CCNA1: variants seen among roughly 807,000 people sequenced by gnomAD.
CCNA1 encodes the protein cyclin-A1.
CCNA1 carries 23 observed loss-of-function variants against 54.1 expected under a neutral mutation model. That is an observed-to-expected ratio of 0.42 (90% confidence interval 0.31 to 0.60). The LOEUF (loss-of-function observed/expected upper bound fraction) is 0.60. CCNA1 is among the 20% of genes least tolerant of loss of function. The pLI is 0.14. For synonymous variants in CCNA1, 208 were observed against 213.9 expected, an observed-to-expected ratio of 0.97 and a Z score of 0.24; for missense variants, 450 against 556.7, an observed-to-expected ratio of 0.81 and a Z score of 1.93.
chr13:36,434,012 A>G (rs1228936777), intron 2 of CCNA1, among the ~76,000 whole-genome samples: 1 of 152,234 alleles, frequency 6.6e-6, no homozygotes, highest in African/African-American at 2.4e-5. Context: ...GCTTCCAAAT[A>G]AACTGTGGAA....
chr13:36,433,370 TTTTCTTTCTTTCTTTCTTTCTTTC>T lies in CCNA1; in HGVS notation c.297+198_297+221del, dbSNP rs201986317. 7.1e-3 allele frequency: 2,239 copies of T among 317,554 alleles called. 168 individuals carry two copies. Among genetic ancestry groups the T allele is most frequent in the East Asian group, 0.043 (828 of 19,306 alleles). The allele number at this position is 317,554 out of a possible 1,614,324, so 19.7% of individuals were successfully genotyped here. The stretch of plus-strand genomic sequence containing the variant: ...GACTACAGGAAAGTTGATTGATTTA[TTTTCTTTCTTTCTTTCTTTCTTTC>T]TTTCTTTCTTTCTTTCTTTCTTTCT... On this transcript the variant is annotated intron_variant, in intron 2 of 8. Transcript: ENST00000255465.
At chr13:36,440,878 A>G (rs1593326927) in intron 6 of CCNA1, among the ~76,000 whole-genome samples, 1 of 152,252 alleles carries the variant, frequency 6.6e-6, no homozygotes. Flanking sequence ...AAAGTAACCT[A>G]TCACCTATAC....
intron 2 of CCNA1, among the ~76,000 whole-genome samples, 157 bp downstream of exon 2, chr13:36,433,378 CTT>C (rs2055745257): frequency 3.0e-5 from 1 of 33,452 alleles, no homozygotes; most frequent in African/African-American, 1.8e-4. Context: ...TATTTTCTTT[CTT>C]TCTTTCTTTC....
intron 6 of CCNA1, among the ~76,000 whole-genome samples, 161 bp downstream of exon 6, chr13:36,440,344 C>A (rs990102500): frequency 1.3e-5 from 2 of 152,124 alleles, no homozygotes; most frequent in African/African-American, 4.8e-5. Flanking sequence ...AAGAACCCAG[C>A]TTTTGGTTAT....
At position 36,437,887 on chromosome 13, in the gene CCNA1, G is replaced by C; in HGVS notation, c.544+12G>C. 1 of 1,610,314 alleles carries C rather than the reference G, an allele frequency of 6.2e-7. No homozygotes were observed. Among genetic ancestry groups the C allele is most frequent in the Non-Finnish European group, 8.5e-7 (1 of 1,177,470 alleles). Reference sequence around the variant, plus strand: ...GGATTTCAACACAGGTAACTGACTTGCCTATGGTTGATGGCTGATGGTACC... The same window carrying C: ...GGATTTCAACACAGGTAACTGACTTCCCTATGGTTGATGGCTGATGGTACC... On this transcript the variant is annotated intron_variant, in intron 3 of 8. Coordinates refer to ENST00000255465, the MANE Select transcript of CCNA1 (RefSeq NM_003914.4).
At chr13:36,439,298 C>A (rs774009604) in intron 5 of CCNA1, among the ~76,000 whole-genome samples, 1 of 152,174 alleles carries the variant, frequency 6.6e-6, no homozygotes, top group Non-Finnish European at 1.5e-5. Flanking sequence ...CTGTTACTAT[C>A]ATTCATTCAT....
At position 36,442,657 on chromosome 13, in the gene CCNA1, C is replaced by G; in HGVS notation, c.1390C>G (p.Leu464Val). Residue 464 changes from leucine to valine, a missense_variant, in exon 9 of 9, where the codon CTA (leucine) becomes GTA (valine). Physicochemically the swap from Leu to Val is conservative, Grantham distance 32. Around this residue, in one of 6 missense-constraint regions of CCNA1, gnomAD observed 53 missense variants for 50.1 expected, o/e 1.06. Transcript: ENST00000255465. Reference sequence around the variant, plus strand: ...CATGGAGCCACCTGCAGTTCTTCTTCTACAATAAGTTTCTGAATGGAAGCA... The same window carrying G: ...CATGGAGCCACCTGCAGTTCTTCTTGTACAATAAGTTTCTGAATGGAAGCA... 6.2e-7 allele frequency: 1 copy of G among 1,613,720 alleles called. No homozygotes were observed. Among genetic ancestry groups the G allele is most frequent in the Non-Finnish European group, 8.5e-7 (1 of 1,179,788 alleles).
intron 2 of CCNA1, among the ~76,000 whole-genome samples, chr13:36,435,246 C>T (rs1447207334): frequency 1.3e-5 from 2 of 152,150 alleles, no homozygotes; most frequent in African/African-American, 4.8e-5. Flanking sequence ...GAGAGTTTGT[C>T]GTATCTTGAC....
chr13:36,437,563 T>C (rs1271584320), intron 2 of CCNA1, 66 bp from the exon 3 acceptor site: 6 of 1,513,388 alleles, frequency 4.0e-6, no homozygotes, highest in Non-Finnish European at 4.5e-6. Flanking sequence ...GTTTGAGTCA[T>C]GCAGGTTCAC....
At chr13:36,431,811 G>C (rs1362196460), upstream of CCNA1, 1 of 151,794 alleles carries the variant, frequency 6.6e-6, no homozygotes, top group Non-Finnish European at 1.5e-5. Flanking sequence ...CCGCGCCCTC[G>C]GGCCAGCGTG....
At chr13:36,442,079 TA>T in intron 7 of CCNA1, 91 bp from the exon 8 acceptor site, 1 of 934,390 alleles carries the variant, frequency 1.1e-6, no homozygotes, top group Non-Finnish European at 1.6e-6. Context: ...GAATATTTAC[TA>T]AGGGACTAAT....
chr13:36,438,164 A>G lies in CCNA1; in HGVS notation c.642A>G (p.Glu214=), dbSNP rs762791797. The G allele has an allele frequency of 2.5e-6, 4 of 1,613,704 alleles. No individual in the cohort carries two copies. The South Asian group carries it at 4.4e-5, about 18-fold the overall frequency. The change falls in exon 4 of 9, where the codon GAA becomes GAG. Residue 214 remains glutamate (E), a synonymous_variant. Transcript: ENST00000255465. Reference sequence around the variant, plus strand: ...TAAATGTGACTGAATATGCTGAAGAAATTTATCAGTACCTTAGGGAAGCTG... The same window carrying G: ...TAAATGTGACTGAATATGCTGAAGAGATTTATCAGTACCTTAGGGAAGCTG...
At chr13:36,440,783 C>G (rs954920368) in intron 6 of CCNA1, among the ~76,000 whole-genome samples, 13 of 152,142 alleles carry the variant, frequency 8.5e-5, no homozygotes, top group Non-Finnish European at 1.8e-4. Flanking sequence ...ATATTTTTGT[C>G]TTTTGGCTAA....
chr13:36,440,429 A>G (rs575856360), intron 6 of CCNA1, among the ~76,000 whole-genome samples: 1 of 151,822 alleles, frequency 6.6e-6, no homozygotes, highest in Non-Finnish European at 1.5e-5. Flanking sequence ...TTAAGCTTGG[A>G]AACTGTTCTC....
upstream of CCNA1, chr13:36,431,720 C>G (rs2055709111): frequency 6.6e-6 from 1 of 152,294 alleles, no homozygotes. Flanking sequence ...AACACTGCCG[C>G]GACTGCACTT....
At chr13:36,436,885 T>C (rs1191670621) in intron 2 of CCNA1, among the ~76,000 whole-genome samples, 2 of 152,212 alleles carry the variant, frequency 1.3e-5, no homozygotes, top group East Asian at 1.9e-4. Flanking sequence ...CTCAGGTTCA[T>C]AGAGCTGCCC....
At position 36,440,168 on chromosome 13, in the gene CCNA1, T is replaced by C. The variant is rs1272216952; in HGVS notation, c.1083T>C (p.Thr361=). ...GGCGACAAGGAGTGTGCGTCAGGACTGAGAACCTGGCTAAGGTGTGTATGC... is the reference window on the plus strand; with the variant it reads ...GGCGACAAGGAGTGTGCGTCAGGACCGAGAACCTGGCTAAGGTGTGTATGC... The change falls in exon 6 of 9, where the codon ACT becomes ACC. Residue 361 remains threonine (T), a synonymous_variant. Transcript: ENST00000255465. 2 of 1,613,798 alleles carry C rather than the reference T, an allele frequency of 1.2e-6. No homozygotes were observed. Among genetic ancestry groups the C allele is most frequent in the Non-Finnish European group, 1.7e-6 (2 of 1,179,796 alleles).
chr13:36,432,885 C>G, intron 1 of CCNA1, 148 bp from the exon 2 acceptor site: 1 of 977,180 alleles, frequency 1.0e-6, no homozygotes, highest in Non-Finnish European at 1.6e-6. Flanking sequence ...CGCACCTGCC[C>G]TTTCAGCCCC....
intron 2 of CCNA1, among the ~76,000 whole-genome samples, chr13:36,434,833 C>CA (rs79122701): frequency 2.7e-5 from 4 of 148,888 alleles, no homozygotes; most frequent in Admixed American, 6.7e-5. Context: ...GGTGCCCCCC[C>CA]CCCCGCGCCA....
Sources: gnomAD v4.1 joint callset for allele counts (sites outside exome capture counted in the v4.1 genomes callset) on GRCh38, gnomAD v4.1.1 for gene constraint, gnomAD v4.1.1 regional missense constraint, MANE v1.5 for transcripts, NCBI Gene and HGNC (gene_info 2026-07-23, HGNC 2026-07-21) for gene names.